ADAMTS17: variants seen among roughly 807,000 people sequenced by gnomAD.
The protein encoded by ADAMTS17 is A disintegrin and metalloproteinase with thrombospondin motifs 17.
A neutral mutation model predicts 141.5 loss-of-function variants in ADAMTS17; 113 were observed. That is an observed-to-expected ratio of 0.80 (90% confidence interval 0.69 to 0.93). The LOEUF (loss-of-function observed/expected upper bound fraction) is 0.93. ADAMTS17 is among the 40% of genes least tolerant of loss of function. ADAMTS17 has a pLI of 0.00. For missense variants in ADAMTS17, 1,659 were observed against 1,517.9 expected (o/e 1.09, Z -1.54); for synonymous variants, 768 against 630.6 (o/e 1.22, Z -3.27).
chr15:100,045,307 A>C (rs1411407498), intron 18 of ADAMTS17, among the ~76,000 whole-genome samples: 2 of 152,132 alleles, frequency 1.3e-5, no homozygotes, highest in African/African-American at 2.4e-5. Flanking sequence ...TTTCATACTA[A>C]ATCTTTGAAA....
At chr15:100,339,609 A>C (rs1453082170) in intron 2 of ADAMTS17, among the ~76,000 whole-genome samples, 5 of 71,614 alleles carry the variant, frequency 7.0e-5, no homozygotes, top group Admixed American at 1.3e-4. Flanking sequence ...CCAGGTCCAC[A>C]TTCCCCGCCC....
At position 100,127,537 on chromosome 15, in the gene ADAMTS17, C is replaced by T. The variant is rs571963170; in HGVS notation, c.1721+4470G>A. 7.9e-5 allele frequency among the ~76,000 whole-genome samples: 12 copies of T among 152,312 alleles called. 1 individual carries two copies. The South Asian group carries it at 1.2e-3, about 16-fold the overall frequency. On this transcript the variant is annotated intron_variant, in intron 12 of 21. Transcript: ENST00000268070. ...TGGCCTGCCGCTGCCTCGTGTGTGA[C>T]GTTGGGCAAGTTACCAAACTTCAAT...
At chr15:100,200,320 A>G (rs12902545) in intron 7 of ADAMTS17, among the ~76,000 whole-genome samples, 43,119 of 151,930 alleles carry the variant, frequency 0.28, 6,916 homozygotes, top group African/African-American at 0.42. Context: ...AGAGGGACGC[A>G]TAGGATGACA....
At chr15:100,312,195 T>C (rs1390010173) in intron 3 of ADAMTS17, among the ~76,000 whole-genome samples, 1 of 152,232 alleles carries the variant, frequency 6.6e-6, no homozygotes, top group African/African-American at 2.4e-5. Flanking sequence ...GCACACGTTA[T>C]CCTGGATTAT....
chr15:100,069,682 C>G (rs902909446), intron 15 of ADAMTS17, among the ~76,000 whole-genome samples: 6 of 151,920 alleles, frequency 3.9e-5, no homozygotes, highest in Non-Finnish European at 7.4e-5. Context: ...ACTATACAGA[C>G]AAGCAAATGC....
Position 100,008,742 on chromosome 15 carries a change from G to A in ADAMTS17, c.2592-11153C>T, listed in dbSNP as rs118098953. On this transcript the variant is annotated intron_variant, in intron 18 of 21. Transcript: ENST00000268070. ...TCACTTCTCATTTATTGTCTGCCCT[G>A]AGCCAGCCTGAAAAAACAGGCCCAC... is the stretch of plus-strand genomic sequence containing the variant. 2.0e-3 allele frequency among the ~76,000 whole-genome samples: 311 copies of A among 152,328 alleles called. 2 individuals are homozygous for A. The highest frequency in any genetic ancestry group is 0.019 in the East Asian group (97 of 5,180).
chr15:100,195,691 T>C (rs1237799517), intron 8 of ADAMTS17, among the ~76,000 whole-genome samples: 1 of 145,446 alleles, frequency 6.9e-6, no homozygotes, highest in African/African-American at 2.5e-5. Context: ...CCCACAGTAC[T>C]CGAGTGTCCT....
chr15:100,118,216 A>T (rs2037261141), intron 12 of ADAMTS17, among the ~76,000 whole-genome samples: 1 of 152,252 alleles, frequency 6.6e-6, no homozygotes. Flanking sequence ...AAAAGCAGCT[A>T]GAGATAACAT....
At chr15:100,065,442 A>G (rs929980544) in intron 15 of ADAMTS17, among the ~76,000 whole-genome samples, 6 of 152,232 alleles carry the variant, frequency 3.9e-5, no homozygotes, top group Admixed American at 2.0e-4. Flanking sequence ...AATAATTTCT[A>G]TATTTTGGCT....
intron 4 of ADAMTS17, 41 bp downstream of exon 4, chr15:100,281,188 A>T: frequency 6.3e-7 from 1 of 1,598,964 alleles, no homozygotes; most frequent in African/African-American, 1.3e-5. Context: ...ATCAAGGAGA[A>T]AACAGAGCCC....
chr15:100,198,817 T>C (rs1031831415), intron 8 of ADAMTS17, among the ~76,000 whole-genome samples: 1 of 152,212 alleles, frequency 6.6e-6, no homozygotes, highest in Non-Finnish European at 1.5e-5. Flanking sequence ...GGTTCTATGG[T>C]TATTTCATCC....
chr15:100,000,577 G>A (rs912219618), intron 18 of ADAMTS17, among the ~76,000 whole-genome samples: 11 of 152,130 alleles, frequency 7.2e-5, no homozygotes, highest in East Asian at 1.9e-4. Flanking sequence ...GCAATGGCAC[G>A]ATCTCGGCTC....
At chr15:100,250,840 G>C (rs1158695404) in intron 7 of ADAMTS17, among the ~76,000 whole-genome samples, 1 of 152,122 alleles carries the variant, frequency 6.6e-6, no homozygotes, top group Non-Finnish European at 1.5e-5. Flanking sequence ...AGGTACAACA[G>C]ACCTCTCTGT....
At chr15:100,091,028 A>AAG (rs369355348) in intron 15 of ADAMTS17, among the ~76,000 whole-genome samples, 12,225 of 143,494 alleles carry the variant, frequency 0.085, 1,015 homozygotes, top group African/African-American at 0.18. Context: ...AAAAAAAAAA[A>AAG]GGGTAACCAA....
chr15:100,020,356 G>T (rs1345352762), intron 18 of ADAMTS17, among the ~76,000 whole-genome samples: 2 of 152,206 alleles, frequency 1.3e-5, no homozygotes, highest in Non-Finnish European at 2.9e-5. Context: ...CTGTAAGGGC[G>T]ACACAGGGGA....
intron 14 of ADAMTS17, among the ~76,000 whole-genome samples, chr15:100,103,796 G>A (rs570780469): frequency 2.0e-5 from 3 of 152,136 alleles, no homozygotes; most frequent in South Asian, 2.1e-4. Context: ...GGCTGGTCTC[G>A]AACTCCTGAC....
chr15:99,995,537 A>AGGACAGGAGAAACGCACTACC (rs1202949597), intron 19 of ADAMTS17, among the ~76,000 whole-genome samples: 3 of 152,132 alleles, frequency 2.0e-5, no homozygotes, highest in African/African-American at 7.2e-5. Context: ...CTGCAAGCTG[A>AGGACAGGAGAAACGCACTACC]GGACAGGAGA....
chr15:100,015,545 T>C (rs920449932), intron 18 of ADAMTS17, among the ~76,000 whole-genome samples: 1 of 152,258 alleles, frequency 6.6e-6, no homozygotes, highest in African/African-American at 2.4e-5. Context: ...TGAGCAGTCC[T>C]TGTAGTGGTG....
chr15:100,262,224 TG>T, intron 5 of ADAMTS17, 127 bp downstream of exon 5: 1 of 832,734 alleles, frequency 1.2e-6, no homozygotes, highest in Non-Finnish European at 2.0e-6. Context: ...CCTCTCACGC[TG>T]GCAAAGCCAC....
Sources: gnomAD v4.1 joint callset for allele counts (sites outside exome capture counted in the v4.1 genomes callset) on GRCh38, gnomAD v4.1.1 for gene constraint, MANE v1.5 for transcripts, NCBI Gene and HGNC (gene_info 2026-07-23, HGNC 2026-07-21) for gene names.